LAYN: variants seen among roughly 807,000 people sequenced by gnomAD.
LAYN encodes the protein layilin.
LAYN carries 38 observed loss-of-function variants against 43.6 expected under a neutral mutation model. That is an observed-to-expected ratio of 0.87 (90% CI 0.67 to 1.14). The LOEUF (loss-of-function observed/expected upper bound fraction) is 1.14. Ranked by LOEUF, LAYN falls within the 50% of genes most tolerant of loss-of-function variation. The pLI is 0.00. For synonymous variants in LAYN, 168 were observed against 172.9 expected (o/e 0.97, Z 0.22); for missense variants, 479 against 463.8 (o/e 1.03, Z -0.30).
chr11:111,557,601 TG>T lies in LAYN; in HGVS notation c.721del (p.Val241SerfsTer41). ...IPSIPLLLLL[V>X]VTTVVCWVWI... Reference sequence around the variant, plus strand: ...AGCATTCCCCTTCTCCTCCTCCTTGTGGTCACCACAGTTGTATGTTGGGTTT... The same window carrying T: ...AGCATTCCCCTTCTCCTCCTCCTTGTGTCACCACAGTTGTATGTTGGGTTT... On this transcript the variant is annotated frameshift_variant, in exon 6 of 7. Coordinates refer to ENST00000375614, the MANE Select transcript of LAYN (RefSeq NM_178834.5). LOFTEE classifies it high-confidence loss of function. 1 of 1,614,214 alleles carries T rather than the reference TG, an allele frequency of 6.2e-7. No individual in the cohort carries two copies. The highest frequency in any genetic ancestry group is 8.5e-7 in the Non-Finnish European group (1 of 1,180,032).
intron 1 of LAYN, among the ~76,000 whole-genome samples, chr11:111,542,493 A>G (rs1867564333): frequency 6.6e-6 from 1 of 152,218 alleles, no homozygotes; most frequent in Non-Finnish European, 1.5e-5. Flanking sequence ...CTCATTTAGC[A>G]CTAATCATAT....
Position 111,545,074 on chromosome 11 carries a change from A to T in LAYN, c.383+854A>T, listed in dbSNP as rs571099679. Reference sequence around the variant, plus strand: ...TTAACAAATATATATATATATATATATTTTTTACCTATTACATTTAAGGCA... The same window carrying T: ...TTAACAAATATATATATATATATATTTTTTTTACCTATTACATTTAAGGCA... On this transcript the variant is annotated intron_variant, in intron 2 of 6. Transcript: ENST00000375614. 2.2e-3 allele frequency among the ~76,000 whole-genome samples: 333 copies of T among 148,444 alleles called. 2 individuals are homozygous for T. The highest frequency in any genetic ancestry group is 6.2e-3 in the African/African-American group (248 of 39,708).
chr11:111,560,311 GGC>G lies in LAYN; in HGVS notation c.979_980del (p.Ala327CysfsTer22). On this transcript the variant is annotated frameshift_variant, in exon 7 of 7. Transcript: ENST00000375614. LOFTEE classifies it high-confidence loss of function. ...DDMSCDYDNM[A>X]VNPSESGFVT... ...ACATGTCTTGTGACTATGACAACAT[GGC>G]TGTGAACCCATCAGAAAGTGGGTTT... 6.2e-7 allele frequency: 1 copy of G among 1,614,214 alleles called. No individual in the cohort carries two copies. The highest frequency in any genetic ancestry group is 1.3e-5 in the African/African-American group (1 of 75,054).
At chr11:111,553,890 T>C (rs1867787603) in intron 3 of LAYN, among the ~76,000 whole-genome samples, 1 of 152,142 alleles carries the variant, frequency 6.6e-6, no homozygotes, top group Non-Finnish European at 1.5e-5. Flanking sequence ...GAGCATCTGA[T>C]TGGCATAAGA....
intron 5 of LAYN, 58 bp from the exon 6 acceptor site, chr11:111,557,483 C>G: frequency 7.4e-7 from 1 of 1,353,176 alleles, no homozygotes; most frequent in Non-Finnish European, 1.1e-6. Context: ...TGGTTTGAAG[C>G]ACAGAAAAAC....
At chr11:111,541,384 G>A (rs1484951473) in intron 1 of LAYN, 15 of 644,836 alleles carry the variant, frequency 2.3e-5, no homozygotes, top group Non-Finnish European at 3.9e-5. Context: ...TGGATCCCCG[G>A]TGCCGTGGGA....
chr11:111,541,348 C>T, intron 1 of LAYN: 1 of 611,302 alleles, frequency 1.6e-6, no homozygotes, highest in Non-Finnish European at 2.9e-6. Context: ...CGGGAGGCGG[C>T]CGCAGAGACA....
In LAYN at chr11:111,560,281, C is replaced by T. The variant is rs150801225; in HGVS notation, c.948C>T (p.Pro316=). 1.5e-3 allele frequency: 2,478 copies of T among 1,614,152 alleles called. 15 individuals carry two copies. The highest frequency in any genetic ancestry group is 2.8e-3 in the Middle Eastern group (17 of 6,062). Residue 316 remains proline (P), a synonymous_variant, in exon 7 of 7, where the codon CCC becomes CCT. Coordinates refer to ENST00000375614, the MANE Select transcript of LAYN (RefSeq NM_178834.5). ...GAGTGTGTTCGGGAGAAGCCACTCC[C>T]GATGACATGTCTTGTGACTATGACA... The part of the protein sequence containing the change: ...SFRVCSGEAT[P]DDMSCDYDNM...
intron 2 of LAYN, among the ~76,000 whole-genome samples, chr11:111,546,757 G>C (rs999063967): frequency 3.9e-5 from 6 of 152,220 alleles, no homozygotes; most frequent in Non-Finnish European, 8.8e-5. Flanking sequence ...CCTTGCTCAT[G>C]ATGGGCAGGT....
At chr11:111,547,112 A>C (rs1346472555) in intron 2 of LAYN, among the ~76,000 whole-genome samples, 2 of 152,212 alleles carry the variant, frequency 1.3e-5, no homozygotes, top group Non-Finnish European at 2.9e-5. Context: ...CCAGGTGTGA[A>C]ATATGCTGCC....
intron 6 of LAYN, among the ~76,000 whole-genome samples, chr11:111,558,699 T>C (rs2135805561): frequency 2.0e-5 from 3 of 151,692 alleles, no homozygotes; most frequent in East Asian, 3.9e-4. Context: ...TTTTTAATCT[T>C]TTTTGTGCCC....
Position 111,545,907 on chromosome 11 carries a change from T to C in LAYN, c.383+1687T>C, listed in dbSNP as rs184206289. On this transcript the variant is annotated intron_variant, in intron 2 of 6. Coordinates refer to ENST00000375614, the MANE Select transcript of LAYN (RefSeq NM_178834.5). Reference sequence around the variant, plus strand: ...GTAATCAACTTGCCACCAAGTGCTATGTTGGTGTCCTCAAGTGTTGGTGCT... The same window carrying C: ...GTAATCAACTTGCCACCAAGTGCTACGTTGGTGTCCTCAAGTGTTGGTGCT... 1.6e-3 allele frequency among the ~76,000 whole-genome samples: 246 copies of C among 152,372 alleles called. 2 individuals carry two copies. The highest frequency in any genetic ancestry group is 5.7e-3 in the African/African-American group (237 of 41,590).
chr11:111,554,330 T>C lies in LAYN; in HGVS notation c.542-231T>C, dbSNP rs140636572. Among the ~76,000 whole-genome samples, 21 of 151,898 alleles carry C rather than the reference T, an allele frequency of 1.4e-4. No homozygotes were observed. In the East Asian group the frequency reaches 4.0e-3, roughly 29 times the overall value. On this transcript the variant is annotated intron_variant, in intron 3 of 6. Transcript: ENST00000375614. ...ATTATCATATTTAAACGTTTTTAAA[T>C]ACTTTTTTAAAAACAAAAAAGCACC...
At chr11:111,548,601 A>G (rs1003693100) in intron 2 of LAYN, among the ~76,000 whole-genome samples, 1 of 152,198 alleles carries the variant, frequency 6.6e-6, no homozygotes, top group African/African-American at 2.4e-5. Flanking sequence ...GAGTGCAGCA[A>G]AGGATGTTCC....
rs1160060305 is a variant in LAYN at position 111,543,962 on chromosome 11, A to G, written c.125A>G (p.Tyr42Cys). ...VCRGGTQRPC[Y>C]KVIYFHDTSR... The stretch of plus-strand genomic sequence containing the variant: ...CGGGGAGGGACACAGAGGCCTTGTT[A>G]TAAAGTCATTTACTTCCATGATACT... Residue 42 changes from tyrosine to cysteine, a missense_variant, in exon 2 of 7, where the codon TAT (tyrosine) becomes TGT (cysteine). By Grantham distance (194) the Tyr-to-Cys change is radical. Coordinates refer to ENST00000375614, the MANE Select transcript of LAYN (RefSeq NM_178834.5). 4 of 1,614,068 alleles carry G rather than the reference A, an allele frequency of 2.5e-6. No homozygotes were observed. Among genetic ancestry groups the G allele is most frequent in the Non-Finnish European group, 3.4e-6 (4 of 1,180,014 alleles).
In LAYN at chr11:111,561,175, A is replaced by G. The variant is rs1160018780; in HGVS notation, c.*717A>G. 4 of 152,444 alleles carry G rather than the reference A, an allele frequency of 2.6e-5. No individual in the cohort carries two copies. The highest frequency in any genetic ancestry group is 9.7e-5 in the African/African-American group (4 of 41,436). The allele number at this position is 152,444 out of a possible 1,614,324, so 9.4% of individuals were successfully genotyped here. A position where few individuals can be genotyped will look rare whatever the true frequency, so the allele number is the denominator to read the frequency against. The stretch of plus-strand genomic sequence containing the variant: ...AGGAGTTCCAGACCTTCCTGGGCAA[A>G]ATAGTGAGACTCTGACTCTACAAAA... On this transcript the variant is annotated 3_prime_UTR_variant, in exon 7 of 7. Transcript: ENST00000375614.
At chr11:111,553,182 G>A (rs1867772616) in intron 3 of LAYN, among the ~76,000 whole-genome samples, 1 of 152,126 alleles carries the variant, frequency 6.6e-6, no homozygotes, top group African/African-American at 2.4e-5. Flanking sequence ...GGCAGAGCTT[G>A]CAGTGAGCCG....
chr11:111,560,545 G>T lies in LAYN; in HGVS notation c.*87G>T. On this transcript the variant is annotated 3_prime_UTR_variant, in exon 7 of 7. Transcript: ENST00000375614. ...TTTCTATAAGGAAAATACACAGAAGGTCTATGAACAAGCTTAGATCAGGTC... is the reference window on the plus strand; with the variant it reads ...TTTCTATAAGGAAAATACACAGAAGTTCTATGAACAAGCTTAGATCAGGTC... 3 of 1,402,388 alleles carry T rather than the reference G, an allele frequency of 2.1e-6. No homozygotes were observed. The highest frequency in any genetic ancestry group is 2.9e-6 in the Non-Finnish European group (3 of 1,038,126). The allele number at this position is 1,402,388 out of a possible 1,614,324, so 86.9% of individuals were successfully genotyped here. A position where few individuals can be genotyped will look rare whatever the true frequency, so the allele number is the denominator to read the frequency against.
intron 3 of LAYN, among the ~76,000 whole-genome samples, chr11:111,554,074 A>C (rs1467303617): frequency 6.6e-6 from 1 of 152,186 alleles, no homozygotes; most frequent in Non-Finnish European, 1.5e-5. Flanking sequence ...CTGAGCCCCT[A>C]AACCACTTTC....
Sources: allele counts gnomAD v4.1 joint callset (sites outside exome capture counted in the v4.1 genomes callset), GRCh38; gene constraint gnomAD v4.1.1; transcripts MANE v1.5; gene names NCBI Gene and HGNC (gene_info 2026-07-23, HGNC 2026-07-21).